MROH7: variants seen among roughly 807,000 people sequenced by gnomAD.
The protein encoded by MROH7 is maestro heat like repeat family member 7, also known as maestro heat-like repeat-containing protein family member 7.
In MROH7, 113 loss-of-function variants were observed where a neutral mutation model predicts 129.2. The observed-to-expected ratio is 0.87, with a 90% CI of 0.75 to 1.02. The LOEUF (loss-of-function observed/expected upper bound fraction) is 1.02, where lower values mean the gene tolerates loss of function less well. Among genes scored for constraint, MROH7 ranks in the 50% least tolerant of loss-of-function variants. The pLI, the probability that MROH7 is intolerant of heterozygous loss-of-function variation, is 0.00. For missense variants in MROH7, 1,601 were observed against 1,671.3 expected, an observed-to-expected ratio of 0.96 and a Z score of 0.73; for synonymous variants, 655 against 667.9, an observed-to-expected ratio of 0.98 and a Z score of 0.30.
At chr1:54,650,250 C>G (rs1403066260) in intron 1 of MROH7, among the ~76,000 whole-genome samples, 1 of 152,208 alleles carries the variant, frequency 6.6e-6, no homozygotes, top group Admixed American at 6.5e-5. Flanking sequence ...GGAAAAGTCT[C>G]TTGCCCATGT....
chr1:54,665,131 C>T (rs1375182915), intron 3 of MROH7, 36 bp from the exon 4 acceptor site: 13 of 1,563,062 alleles, frequency 8.3e-6, no homozygotes, highest in Non-Finnish European at 1.1e-5. Flanking sequence ...TACATCACAG[C>T]TTTATCCACC....
chr1:54,678,878 G>T, intron 11 of MROH7, 24 bp downstream of exon 11: 1 of 1,576,526 alleles, frequency 6.3e-7, no homozygotes, highest in South Asian at 1.1e-5. Flanking sequence ...GCCCATCCAG[G>T]AGCGGAGGGT....
intron 23 of MROH7, among the ~76,000 whole-genome samples, chr1:54,709,414 C>CA (rs1476226124): frequency 6.6e-6 from 1 of 152,030 alleles, no homozygotes; most frequent in Admixed American, 6.5e-5. Flanking sequence ...GACAGGGTTT[C>CA]ACCATGTTGG....
At chr1:54,654,517 C>T (rs1644610910) in intron 3 of MROH7, among the ~76,000 whole-genome samples, 1 of 152,040 alleles carries the variant, frequency 6.6e-6, no homozygotes, top group Non-Finnish European at 1.5e-5. Flanking sequence ...ACTAAAAATA[C>T]AAAGAATTAG....
chr1:54,675,765 AT>A (rs1336235840), intron 10 of MROH7, among the ~76,000 whole-genome samples: 1 of 149,944 alleles, frequency 6.7e-6, no homozygotes, highest in Admixed American at 6.7e-5. Flanking sequence ...GCCTGGCTAA[AT>A]TTTTTTTGTA....
In MROH7 at chr1:54,665,377, G is replaced by A. The variant is rs140680909; in HGVS notation, c.1305+137G>A. On this transcript the variant is annotated intron_variant, in intron 4 of 23. Coordinates refer to ENST00000421030, the MANE Select transcript of MROH7 (RefSeq NM_001039464.4). ...CCTTTTCTCCATAACATTCATTGCC[G>A]TCTGATGTGCCATATGCTTTGTTTA... 5.4e-3 allele frequency: 3,289 copies of A among 614,008 alleles called. 17 individuals carry two copies. Among genetic ancestry groups the A allele is most frequent in the Non-Finnish European group, 7.8e-3 (2,667 of 343,552 alleles). 38.0% of individuals were successfully genotyped at this position (614,008 alleles called of 1,614,324 possible). A position where few individuals can be genotyped will look rare whatever the true frequency, so the allele number is the denominator to read the frequency against.
intron 17 of MROH7, 124 bp downstream of exon 17, chr1:54,695,614 C>T (rs1266177693): frequency 2.7e-6 from 2 of 727,802 alleles, no homozygotes; most frequent in Non-Finnish European, 5.1e-6. Context: ...GGCATGACTT[C>T]TCTTGACTAT....
In MROH7 at chr1:54,653,212, A is replaced by G. The variant is rs981667870; in HGVS notation, c.286A>G (p.Ile96Val). ...SRAIAPASLQ[I>V]TSSCSGEALD... Reference sequence around the variant, plus strand: ...AGCTATCGCTCCAGCCTCCCTCCAGATCACCAGTTCTTGTTCTGGTGAAGC... The same window carrying G: ...AGCTATCGCTCCAGCCTCCCTCCAGGTCACCAGTTCTTGTTCTGGTGAAGC... The change falls in exon 3 of 24, where the codon ATC becomes GTC. Residue 96 changes from isoleucine (I) to valine (V), a missense_variant. By Grantham distance (29) the Ile-to-Val change is conservative (BLOSUM62 3). Coordinates refer to ENST00000421030, the MANE Select transcript of MROH7 (RefSeq NM_001039464.4). 1 of 1,614,100 alleles carries G rather than the reference A, an allele frequency of 6.2e-7. No individual in the cohort carries two copies. The highest frequency in any genetic ancestry group is 8.5e-7 in the Non-Finnish European group (1 of 1,180,018).
intron 1 of MROH7, among the ~76,000 whole-genome samples, chr1:54,647,689 G>A (rs1171413576): frequency 6.6e-6 from 1 of 151,298 alleles, no homozygotes; most frequent in Non-Finnish European, 1.5e-5. Flanking sequence ...GCAGTGAGCT[G>A]AGGTCGTGCC....
In MROH7 at chr1:54,652,966, G is replaced by A. The variant is rs990291011; in HGVS notation, c.40G>A (p.Asp14Asn). 4 of 1,611,378 alleles carry A rather than the reference G, an allele frequency of 2.5e-6. No homozygotes were observed. Among genetic ancestry groups the A allele is most frequent in the African/African-American group, 1.3e-5 (1 of 74,844 alleles). ...SPGANLVFHE[D>N]PKMTPSPPSC... is the part of the protein sequence containing the mutation. The stretch of plus-strand genomic sequence containing the variant: ...AGGGGCTAACCTGGTCTTCCATGAA[G>A]ACCCAAAGATGACACCAAGTCCCCC... Residue 14 changes from aspartate to asparagine, a missense_variant, in exon 3 of 24, where the codon GAC becomes AAC. By Grantham distance (23) the Asp-to-Asn change is conservative. Transcript: ENST00000421030.
intron 12 of MROH7, 44 bp from the exon 13 acceptor site, chr1:54,679,847 C>T (rs1569933296): frequency 6.3e-7 from 1 of 1,582,800 alleles, no homozygotes; most frequent in African/African-American, 1.3e-5. Context: ...CCCGTGCTTC[C>T]CTTGGCAGTC....
chr1:54,657,629 G>A (rs1644669402), intron 3 of MROH7, among the ~76,000 whole-genome samples: 1 of 152,062 alleles, frequency 6.6e-6, no homozygotes. Flanking sequence ...TCCTGCCTTG[G>A]GTTCCCCAAG....
At chr1:54,673,321 C>T in intron 8 of MROH7, 135 bp downstream of exon 8, 1 of 672,126 alleles carries the variant, frequency 1.5e-6, no homozygotes, top group Non-Finnish European at 2.6e-6. Context: ...TGTTCTGCCT[C>T]CCTGTCTGTC....
intron 3 of MROH7, among the ~76,000 whole-genome samples, chr1:54,660,300 C>A (rs536979609): frequency 6.6e-6 from 1 of 152,250 alleles, no homozygotes; most frequent in South Asian, 2.1e-4. Context: ...TTTATAAAGG[C>A]CTTAATCCCA....
chr1:54,650,797 C>T (rs1345603166), intron 1 of MROH7, among the ~76,000 whole-genome samples: 3 of 151,566 alleles, frequency 2.0e-5, no homozygotes, highest in African/African-American at 7.3e-5. Flanking sequence ...GATCACAGCT[C>T]ATTGTAGCCT....
chr1:54,678,223 G>T (rs1377813149), intron 10 of MROH7, among the ~76,000 whole-genome samples: 1 of 152,186 alleles, frequency 6.6e-6, no homozygotes, highest in Non-Finnish European at 1.5e-5. Context: ...CAACTGTGTA[G>T]ATATACTCAT....
At position 54,702,724 on chromosome 1, in the gene MROH7, G is replaced by A. The variant is rs2101224990; in HGVS notation, c.3543G>A (p.Val1181=). 1.9e-6 allele frequency: 3 copies of A among 1,613,278 alleles called. No homozygotes were observed. In the East Asian group the frequency reaches 6.7e-5, roughly 36 times the overall value. ...RKPWDNQQQT[V]AKICKCLVNT... is the part of the protein sequence containing the mutation. The stretch of plus-strand genomic sequence containing the variant: ...CCTGGGACAACCAACAGCAGACAGT[G>A]GCCAAAATTTGCAAGTGCCTTGTGA... The change falls in exon 21 of 24, where the codon GTG becomes GTA. Residue 1181 remains valine (V), a synonymous_variant. Coordinates refer to ENST00000421030, the MANE Select transcript of MROH7 (RefSeq NM_001039464.4).
intron 1 of MROH7, among the ~76,000 whole-genome samples, chr1:54,645,748 C>T (rs1455027284): frequency 6.7e-6 from 1 of 149,146 alleles, no homozygotes; most frequent in Non-Finnish European, 1.5e-5. Context: ...GCCTCCCGGG[C>T]TCAAGCAATT....
At position 54,653,624 on chromosome 1, in the gene MROH7, C is replaced by A. The variant is rs774912695; in HGVS notation, c.698C>A (p.Ala233Asp). The A allele has an allele frequency of 6.2e-7, 1 of 1,614,170 alleles. No individual in the cohort carries two copies. Among genetic ancestry groups the A allele is most frequent in the South Asian group, 1.1e-5 (1 of 91,074 alleles). ...RNTSKLNLNVAPDSHGTLIPD... is the reference protein window; with the variant it reads ...RNTSKLNLNVDPDSHGTLIPD... ...ACCTCCAAGCTGAACCTGAATGTAG[C>A]TCCAGATTCTCATGGGACCCTAATC... The change falls in exon 3 of 24, where the codon GCT (alanine) becomes GAT (aspartate). Residue 233 changes from alanine (A) to aspartate (D), a missense_variant. By Grantham distance (126) the Ala-to-Asp change is moderately radical. Coordinates refer to ENST00000421030, the MANE Select transcript of MROH7 (RefSeq NM_001039464.4).
Sources: allele counts gnomAD v4.1 joint callset (sites outside exome capture counted in the v4.1 genomes callset), GRCh38; gene constraint gnomAD v4.1.1; transcripts MANE v1.5; gene names NCBI Gene and HGNC (gene_info 2026-07-23, HGNC 2026-07-21).